The following SDK1 variants were observed in gnomAD, a reference collection of about 807,000 sequenced individuals.
SDK1 encodes sidekick cell adhesion molecule 1, also known as protein sidekick-1.
Under a neutral mutation model 245.5 loss-of-function variants are expected in SDK1, and 157 were observed. That is an observed-to-expected ratio of 0.64 (90% CI 0.56 to 0.73). The LOEUF (loss-of-function observed/expected upper bound fraction) is 0.73. Ranked by LOEUF, SDK1 falls within the 30% of genes least tolerant of loss-of-function variation. The probability of loss-of-function intolerance (pLI) is 0.00; values close to 1 mark genes in which losing one functional copy is unlikely to be tolerated. For synonymous variants in SDK1, 1,647 were observed against 1,278.5 expected, an observed-to-expected ratio of 1.29 and a Z score of -6.15; for missense variants, 3,583 against 3,002.3, an observed-to-expected ratio of 1.19 and a Z score of -4.52.
At chr7:3,798,926 G>A (rs997368547) in intron 4 of SDK1, among the ~76,000 whole-genome samples, 3 of 152,172 alleles carry the variant, frequency 2.0e-5, no homozygotes, top group African/African-American at 7.2e-5. Context: ...TTCACCAGTG[G>A]ATCTTGCCTG....
intron 1 of SDK1, among the ~76,000 whole-genome samples, chr7:3,441,935 C>A (rs1355176506): frequency 1.3e-5 from 2 of 152,148 alleles, no homozygotes; most frequent in African/African-American, 4.8e-5. Context: ...CTGAGTGATT[C>A]TCCACAAAAT....
intron 1 of SDK1, among the ~76,000 whole-genome samples, chr7:3,595,057 C>T (rs1781007561): frequency 6.6e-6 from 1 of 152,086 alleles, no homozygotes. Flanking sequence ...CCCTTGTTGC[C>T]ACCACAGTGA....
rs1780437218 is a variant in SDK1, at chr7:3,580,251, C to G, written c.299-38829C>G. Among the ~76,000 whole-genome samples the G allele has an allele frequency of 1.3e-5, 2 of 152,172 alleles. 1 individual carries two copies. Among genetic ancestry groups the G allele is most frequent in the South Asian group, 4.1e-4 (2 of 4,822 alleles). On this transcript the variant is annotated intron_variant, in intron 1 of 44. Transcript: ENST00000404826. ...TATACAGATTCAATGCTATTCCTATCAAACTACCCATAACATTCTTCACAA... is the reference window on the plus strand; with the variant it reads ...TATACAGATTCAATGCTATTCCTATGAAACTACCCATAACATTCTTCACAA...
intron 4 of SDK1, among the ~76,000 whole-genome samples, chr7:3,820,252 C>T (rs1432805950): frequency 2.6e-5 from 4 of 152,164 alleles, no homozygotes; most frequent in South Asian, 2.1e-4. Flanking sequence ...CAGGTTCAAG[C>T]GATTGTTCTG....
chr7:3,841,175 G>A (rs1360972120), intron 5 of SDK1, among the ~76,000 whole-genome samples: 1 of 152,332 alleles, frequency 6.6e-6, no homozygotes, highest in South Asian at 2.1e-4. Context: ...TGCATGTACA[G>A]CCCTTGGGCA....
chr7:3,616,363 C>G (rs1212203078), intron 1 of SDK1, among the ~76,000 whole-genome samples: 2 of 152,218 alleles, frequency 1.3e-5, no homozygotes, highest in Non-Finnish European at 2.9e-5. Flanking sequence ...CACGTGTGGC[C>G]CTGCCTGCAA....
At chr7:3,974,105 A>G (rs1782695104) in intron 12 of SDK1, among the ~76,000 whole-genome samples, 3 of 145,594 alleles carry the variant, frequency 2.1e-5, no homozygotes, top group African/African-American at 7.8e-5. Context: ...AATTGCTTGA[A>G]CCCAGGAGGT....
At chr7:4,097,295 T>A (rs1457365195) in intron 22 of SDK1, among the ~76,000 whole-genome samples, 1 of 101,460 alleles carries the variant, frequency 9.9e-6, no homozygotes, top group African/African-American at 5.2e-5. Context: ...GTTGCTGTGT[T>A]TGGTACAGTA....
chr7:3,876,418 T>G (rs1781078523), intron 5 of SDK1, among the ~76,000 whole-genome samples: 1 of 152,194 alleles, frequency 6.6e-6, no homozygotes, highest in Admixed American at 6.5e-5. Flanking sequence ...CATCAACTTC[T>G]TGGGACCTCA....
intron 43 of SDK1, among the ~76,000 whole-genome samples, chr7:4,242,368 A>G (rs945095583): frequency 5.3e-5 from 8 of 152,156 alleles, no homozygotes; most frequent in African/African-American, 1.9e-4. Context: ...ACACATTGCC[A>G]TTCCATACAC....
intron 44 of SDK1, among the ~76,000 whole-genome samples, chr7:4,262,085 A>G (rs540642605): frequency 1.9e-3 from 221 of 113,730 alleles, no homozygotes; most frequent in African/African-American, 7.4e-3. Context: ...GCTGGAGTGC[A>G]GTGGCGAGAT....
intron 10 of SDK1, among the ~76,000 whole-genome samples, chr7:3,967,677 A>T (rs1214374295): frequency 6.6e-6 from 1 of 152,202 alleles, no homozygotes; most frequent in Non-Finnish European, 1.5e-5. Context: ...TCCATCTCAG[A>T]TCATTAGATT....
In SDK1 at chr7:4,267,691, G is replaced by A. The variant is rs138436809; in HGVS notation, c.*2307G>A. The A allele has an allele frequency of 2.0e-5, 20 of 985,466 alleles. No individual in the cohort carries two copies. The East Asian group carries it at 1.5e-3, about 73-fold the overall frequency. The allele number at this position is 985,466 out of a possible 1,614,324, so 61.0% of individuals were successfully genotyped here. On this transcript the variant is annotated 3_prime_UTR_variant, in exon 45 of 45. Transcript: ENST00000404826. ...TCTTAGGTTGAGGATGAGCAGATTC[G>A]AGATATGTTTGTTGCTCTCGGGTTT... is the stretch of plus-strand genomic sequence containing the variant.
At chr7:4,228,823 C>A (rs112849354) in intron 40 of SDK1, among the ~76,000 whole-genome samples, 2 of 152,112 alleles carry the variant, frequency 1.3e-5, no homozygotes, top group African/African-American at 4.8e-5. Context: ...CAGGCGGGAG[C>A]CACTGCACCC....
chr7:4,248,812 C>G (rs1393355335), intron 44 of SDK1, among the ~76,000 whole-genome samples: 1 of 152,170 alleles, frequency 6.6e-6, no homozygotes, highest in Non-Finnish European at 1.5e-5. Flanking sequence ...AACACATGCA[C>G]ACAGGCACAT....
intron 19 of SDK1, among the ~76,000 whole-genome samples, chr7:4,067,325 G>T (rs1407990839): frequency 6.6e-6 from 1 of 152,190 alleles, no homozygotes; most frequent in African/African-American, 2.4e-5. Flanking sequence ...TCAGGCCACT[G>T]CCTCGCCCCT....
intron 4 of SDK1, among the ~76,000 whole-genome samples, chr7:3,722,624 C>T (rs943158072): frequency 1.4e-4 from 21 of 152,306 alleles, no homozygotes; most frequent in African/African-American, 4.1e-4. Flanking sequence ...TCCGGACACA[C>T]GGGGTGCTTA....
chr7:3,596,386 G>A (rs1437459364), intron 1 of SDK1, among the ~76,000 whole-genome samples: 2 of 152,208 alleles, frequency 1.3e-5, no homozygotes, highest in Non-Finnish European at 2.9e-5. Context: ...GTTGCTCGAG[G>A]CAGTGACTGA....
At chr7:3,407,445 G>A (rs1241234706) in intron 1 of SDK1, among the ~76,000 whole-genome samples, 1 of 152,132 alleles carries the variant, frequency 6.6e-6, no homozygotes. Flanking sequence ...TGGTTGACTG[G>A]TCTCAGCAAC....
Sources: gnomAD v4.1 joint callset for allele counts (sites outside exome capture counted in the v4.1 genomes callset) on GRCh38, gnomAD v4.1.1 for gene constraint, MANE v1.5 for transcripts, NCBI Gene and HGNC (gene_info 2026-07-23, HGNC 2026-07-21) for gene names.